DNAH11: variants seen among roughly 807,000 people sequenced by gnomAD.
DNAH11 encodes axonemal beta dynein heavy chain 11.
DNAH11 carries 442 observed loss-of-function variants against 526.0 expected under a neutral mutation model. The ratio of observed to expected loss-of-function variants is 0.84; its 90% CI spans 0.78 to 0.91. The LOEUF (loss-of-function observed/expected upper bound fraction) is 0.91, where lower values mean the gene tolerates loss of function less well. Ranked by LOEUF, DNAH11 falls within the 40% of genes least tolerant of loss-of-function variation. DNAH11 has a pLI of 0.00. For synonymous variants in DNAH11, 2,461 were observed against 1,935.9 expected, an observed-to-expected ratio of 1.27 and a Z score of -7.12; for missense variants, 6,989 against 5,448.7, an observed-to-expected ratio of 1.28 and a Z score of -8.90.
intron 25 of DNAH11, among the ~76,000 whole-genome samples, chr7:21,629,076 G>A (rs1287735862): frequency 1.3e-5 from 2 of 152,036 alleles, no homozygotes; most frequent in Non-Finnish European, 2.9e-5. Flanking sequence ...GGCTTTTACT[G>A]TATCACATAG....
At chr7:21,774,964 C>T (rs562651117) in intron 56 of DNAH11, among the ~76,000 whole-genome samples, 18 of 152,222 alleles carry the variant, frequency 1.2e-4, no homozygotes, top group South Asian at 2.1e-4. Context: ...GTGGTTTCCC[C>T]GAGTGGCCTG....
intron 2 of DNAH11, 125 bp downstream of exon 2, chr7:21,545,274 TAAA>T (rs10634177): frequency 0.025 from 3,214 of 130,398 alleles, no homozygotes; most frequent in Middle Eastern, 0.046. Flanking sequence ...TGGGGGTGGT[TAAA>T]AAAAAAAAAA....
chr7:21,608,055 T>TA (rs200256484), intron 20 of DNAH11, among the ~76,000 whole-genome samples: 2 of 151,602 alleles, frequency 1.3e-5, no homozygotes, highest in African/African-American at 2.4e-5. Context: ...TTTTTTTTTT[T>TA]AATCAGAAAT....
intron 30 of DNAH11, among the ~76,000 whole-genome samples, chr7:21,679,989 TTTAAGA>T (rs1336132170): frequency 6.6e-6 from 1 of 152,190 alleles, no homozygotes; most frequent in Non-Finnish European, 1.5e-5. Context: ...CATTTAGCAT[TTTAAGA>T]TTAAGTGCAA....
intron 62 of DNAH11, among the ~76,000 whole-genome samples, chr7:21,803,570 A>C (rs1789096595): frequency 6.6e-6 from 1 of 151,476 alleles, no homozygotes; most frequent in Admixed American, 6.6e-5. Flanking sequence ...GAACTAGATA[A>C]ACTGCTAACT....
In DNAH11 at chr7:21,864,006, G is replaced by T. The variant is rs886262278; in HGVS notation, c.11374-529G>T. 2.0e-5 allele frequency among the ~76,000 whole-genome samples: 3 copies of T among 152,288 alleles called. No homozygotes were observed. The East Asian group carries it at 5.8e-4, about 29-fold the overall frequency. On this transcript the variant is annotated intron_variant, in intron 69 of 81. Coordinates refer to ENST00000409508, the MANE Select transcript of DNAH11 (RefSeq NM_001277115.2). ...TTTTTATCAGTTCTGTGACCAGAAT[G>T]TCTAAAGTTTATTCCACTTCACAAT...
chr7:21,552,307 T>A (rs1270154949), intron 2 of DNAH11, among the ~76,000 whole-genome samples: 1 of 152,192 alleles, frequency 6.6e-6, no homozygotes, highest in African/African-American at 2.4e-5. Flanking sequence ...ATACAGAATC[T>A]TTTTTTGAGC....
intron 40 of DNAH11, among the ~76,000 whole-genome samples, chr7:21,708,154 A>G (rs1784341150): frequency 6.6e-6 from 1 of 152,214 alleles, no homozygotes; most frequent in Non-Finnish European, 1.5e-5. Context: ...GATATGAGGC[A>G]CTGAAGTTCA....
intron 42 of DNAH11, among the ~76,000 whole-genome samples, chr7:21,715,420 C>T (rs1378060913): frequency 6.6e-6 from 1 of 152,178 alleles, no homozygotes; most frequent in African/African-American, 2.4e-5. Context: ...CTGTTAATGA[C>T]CTGCATATTG....
At chr7:21,563,403 C>T (rs1392557408) in intron 5 of DNAH11, among the ~76,000 whole-genome samples, 1 of 151,930 alleles carries the variant, frequency 6.6e-6, no homozygotes, top group Non-Finnish European at 1.5e-5. Context: ...GAGATGGGGT[C>T]TTGCTATCTT....
At chr7:21,838,694 T>C (rs1323728954) in intron 65 of DNAH11, among the ~76,000 whole-genome samples, 3 of 151,356 alleles carry the variant, frequency 2.0e-5, no homozygotes, top group Non-Finnish European at 4.4e-5. Context: ...TTCCATGATA[T>C]TTCATTGTTT....
chr7:21,634,984 CATTA>C (rs1440668493), intron 25 of DNAH11, among the ~76,000 whole-genome samples: 1 of 152,022 alleles, frequency 6.6e-6, no homozygotes, highest in Non-Finnish European at 1.5e-5. Context: ...ACAAAAACCA[CATTA>C]ATTATAGCAT....
At chr7:21,629,197 A>G (rs1329927548) in intron 25 of DNAH11, among the ~76,000 whole-genome samples, 1 of 152,058 alleles carries the variant, frequency 6.6e-6, no homozygotes, top group African/African-American at 2.4e-5. Context: ...TTTAATTTGC[A>G]TGTGTTTGTG....
At chr7:21,867,831 C>T (rs747411334) in intron 71 of DNAH11, 28 bp from the exon 72 acceptor site, 7 of 1,492,750 alleles carry the variant, frequency 4.7e-6, no homozygotes, top group Non-Finnish European at 6.3e-6. Context: ...AACCACTGAT[C>T]ATGTTTTTAT....
At chr7:21,845,238 T>A (rs1002817226) in intron 66 of DNAH11, among the ~76,000 whole-genome samples, 13 of 152,164 alleles carry the variant, frequency 8.5e-5, no homozygotes, top group Non-Finnish European at 1.5e-4. Context: ...TAATGTTCAG[T>A]TTATCTATTT....
At chr7:21,598,097 C>T (rs1784933471) in intron 14 of DNAH11, among the ~76,000 whole-genome samples, 1 of 152,188 alleles carries the variant, frequency 6.6e-6, no homozygotes, top group African/African-American at 2.4e-5. Flanking sequence ...TTGCTTACAA[C>T]ATAACACCTT....
At position 21,649,759 on chromosome 7, in the gene DNAH11, G is replaced by A. The variant is rs149872050; in HGVS notation, c.4945-6073G>A. ...GGACTCACTGCAACCTCCACCTCCT[G>A]GGTTCAAGCAATTCTTAAGCCTCAG... On this transcript the variant is annotated intron_variant, in intron 28 of 81. Coordinates refer to ENST00000409508, the MANE Select transcript of DNAH11 (RefSeq NM_001277115.2). 1.1e-3 allele frequency among the ~76,000 whole-genome samples: 173 copies of A among 151,618 alleles called. 1 individual carries two copies. Among genetic ancestry groups the A allele is most frequent in the Middle Eastern group, 0.01 (3 of 294 alleles).
rs369438218 is a variant in DNAH11 at position 21,735,671 on chromosome 7, G to C, written c.7472G>C (p.Arg2491Pro). The C allele has an allele frequency of 2.0e-4, 314 of 1,606,842 alleles. 1 individual carries two copies. Among genetic ancestry groups the C allele is most frequent in the Non-Finnish European group, 2.5e-4 (298 of 1,176,014 alleles). The change falls in exon 46 of 82, where the codon CGT (arginine) becomes CCT (proline). Residue 2491 changes from arginine (R) to proline (P), a missense_variant. Arg to Pro is a moderately radical substitution (Grantham distance 103). Transcript: ENST00000409508. ...CTCGTTCACACAACAGAGACAGCTCGTCTTAGATATTTCATGGAGTTGTTG... is the reference window on the plus strand; with the variant it reads ...CTCGTTCACACAACAGAGACAGCTCCTCTTAGATATTTCATGGAGTTGTTG... Reference protein sequence around the residue: ...TVLVHTTETARLRYFMELLLE... With the variant: ...TVLVHTTETAPLRYFMELLLE...
rs1562585487 is a variant in DNAH11 at position 21,854,321 on chromosome 7, G to A, written c.11068G>A (p.Glu3690Lys). The A allele has an allele frequency of 3.7e-6, 6 of 1,613,588 alleles. No individual in the cohort carries two copies. Among genetic ancestry groups the A allele is most frequent in the Non-Finnish European group, 4.2e-6 (5 of 1,179,756 alleles). Residue 3690 changes from glutamate to lysine, a missense_variant, in exon 68 of 82, where the codon GAA becomes AAA. Transcript: ENST00000409508. Reference protein sequence around the residue: ...TVAEIEHKVIEAKENERKINE... With the variant: ...TVAEIEHKVIKAKENERKINE... Reference sequence around the variant, plus strand: ...TTGTTTGATCCCACCATAGGTGATTGAAGCCAAAGAAAATGAAAGAAAAAT... The same window carrying A: ...TTGTTTGATCCCACCATAGGTGATTAAAGCCAAAGAAAATGAAAGAAAAAT...
Sources: gnomAD v4.1 joint callset for allele counts (sites outside exome capture counted in the v4.1 genomes callset) on GRCh38, gnomAD v4.1.1 for gene constraint, MANE v1.5 for transcripts, NCBI Gene and HGNC (gene_info 2026-07-23, HGNC 2026-07-21) for gene names.